The following PEBP4 variants were observed in gnomAD, a reference collection of about 807,000 sequenced individuals.
PEBP4 encodes the protein phosphatidylethanolamine binding protein 4.
Under a neutral mutation model 23.9 loss-of-function variants are expected in PEBP4, and 22 were observed. That is an observed-to-expected ratio of 0.92 (90% CI 0.66 to 1.31). The LOEUF (loss-of-function observed/expected upper bound fraction) is 1.31, where lower values mean the gene tolerates loss of function less well. Among genes scored for constraint, PEBP4 ranks in the 40% most tolerant of loss-of-function variants. PEBP4 has a pLI of 0.00. For missense variants in PEBP4, 324 were observed against 281.7 expected, an observed-to-expected ratio of 1.15 and a Z score of -1.07; for synonymous variants, 112 against 99.3, an observed-to-expected ratio of 1.13 and a Z score of -0.76.
intron 3 of PEBP4, among the ~76,000 whole-genome samples, chr8:22,894,370 G>A (rs545261311): frequency 4.2e-4 from 64 of 152,112 alleles, no homozygotes; most frequent in Admixed American, 9.2e-4. Flanking sequence ...CCAGGAGTTC[G>A]AGACCAGCCC....
chr8:22,810,915 A>AGAGAGAGAG (rs58234891), intron 4 of PEBP4, among the ~76,000 whole-genome samples: 4 of 148,570 alleles, frequency 2.7e-5, no homozygotes, highest in African/African-American at 4.9e-5. Context: ...AGAGAGAGAG[A>AGAGAGAGAG]AACCTCCTAG....
intron 3 of PEBP4, among the ~76,000 whole-genome samples, chr8:22,828,582 C>G (rs777926479): frequency 9.9e-5 from 15 of 152,134 alleles, no homozygotes; most frequent in Non-Finnish European, 2.1e-4. Flanking sequence ...CTCTCACACC[C>G]CATAAACCTC....
At position 22,803,189 on chromosome 8, in the gene PEBP4, C is replaced by T. The variant is rs141135646; in HGVS notation, c.357+14448G>A. Among the ~76,000 whole-genome samples, 25 of 152,196 alleles carry T rather than the reference C, an allele frequency of 1.6e-4. No homozygotes were observed. In the East Asian group the frequency reaches 3.3e-3, roughly 20 times the overall value. ...GCAGCACCTGAGGGCCAATCTAATCCGACCTCTTGCCCAATCTCTGGCAGA... is the reference window on the plus strand; with the variant it reads ...GCAGCACCTGAGGGCCAATCTAATCTGACCTCTTGCCCAATCTCTGGCAGA... On this transcript the variant is annotated intron_variant, in intron 4 of 6. Coordinates refer to ENST00000256404, the MANE Select transcript of PEBP4 (RefSeq NM_144962.3).
At chr8:22,779,076 G>A (rs1196052370) in intron 4 of PEBP4, among the ~76,000 whole-genome samples, 5 of 150,654 alleles carry the variant, frequency 3.3e-5, no homozygotes, top group African/African-American at 1.2e-4. Context: ...GGGCGGGGGA[G>A]GTGGGGGAGG....
intron 3 of PEBP4, among the ~76,000 whole-genome samples, chr8:22,825,276 A>G (rs1054940662): frequency 4.6e-5 from 7 of 152,212 alleles, no homozygotes; most frequent in African/African-American, 1.7e-4. Flanking sequence ...AGGTCCATGG[A>G]GCTGACAGGA....
intron 4 of PEBP4, among the ~76,000 whole-genome samples, chr8:22,784,845 C>G (rs538561005): frequency 6.6e-6 from 1 of 152,184 alleles, no homozygotes; most frequent in Non-Finnish European, 1.5e-5. Context: ...TCCCTTCCTT[C>G]GAGGTTACAT....
intron 2 of PEBP4, chr8:22,924,607 T>C: frequency 1.0e-6 from 1 of 959,728 alleles, no homozygotes; most frequent in Non-Finnish European, 1.2e-6. Flanking sequence ...GGGGTAAGAA[T>C]GTACTTTCTG....
chr8:22,901,925 A>T (rs1432620252), intron 3 of PEBP4, among the ~76,000 whole-genome samples: 3 of 152,256 alleles, frequency 2.0e-5, no homozygotes, highest in African/African-American at 7.2e-5. Context: ...AAGTTTGAGT[A>T]CATGAATGAG....
At chr8:22,811,860 C>G (rs1339842063) in intron 4 of PEBP4, among the ~76,000 whole-genome samples, 1 of 152,188 alleles carries the variant, frequency 6.6e-6, no homozygotes, top group Non-Finnish European at 1.5e-5. Flanking sequence ...AGAATTTTCA[C>G]TTTGCAAGAC....
intron 3 of PEBP4, chr8:22,887,051 T>C (rs2246578): frequency 0.5 from 76,545 of 151,858 alleles, 20,943 homozygotes; most frequent in East Asian, 0.77. Context: ...TTTATTTTTT[T>C]CAATCCTCCC....
intron 4 of PEBP4, among the ~76,000 whole-genome samples, chr8:22,807,416 G>C (rs1445029931): frequency 6.6e-6 from 1 of 152,158 alleles, no homozygotes; most frequent in Non-Finnish European, 1.5e-5. Flanking sequence ...AGTTCTTCAA[G>C]TAGGAAAGCA....
At chr8:22,924,021 G>A (rs1042087964) in intron 2 of PEBP4, among the ~76,000 whole-genome samples, 28 of 152,192 alleles carry the variant, frequency 1.8e-4, no homozygotes, top group Admixed American at 1.3e-3. Context: ...TGGGATATGA[G>A]GCTGCCTCGA....
chr8:22,894,571 G>A (rs1808556210), intron 3 of PEBP4, among the ~76,000 whole-genome samples: 2 of 152,166 alleles, frequency 1.3e-5, no homozygotes, highest in Non-Finnish European at 2.9e-5. Context: ...AACAGAGTGA[G>A]ACCCTGTCTC....
At chr8:22,808,315 C>T (rs1806546608) in intron 4 of PEBP4, among the ~76,000 whole-genome samples, 1 of 152,178 alleles carries the variant, frequency 6.6e-6, no homozygotes, top group Non-Finnish European at 1.5e-5. Context: ...CCATCTATCC[C>T]TCTATCCATT....
At chr8:22,761,007 T>C (rs917940557) in intron 4 of PEBP4, among the ~76,000 whole-genome samples, 28 of 152,184 alleles carry the variant, frequency 1.8e-4, no homozygotes, top group African/African-American at 5.8e-4. Context: ...GTAGCCTGAC[T>C]TCCCAGAGGA....
At chr8:22,729,279 G>A (rs966199640) in intron 4 of PEBP4, among the ~76,000 whole-genome samples, 1 of 152,254 alleles carries the variant, frequency 6.6e-6, no homozygotes, top group Non-Finnish European at 1.5e-5. Flanking sequence ...GCTGAGCGCA[G>A]GGAAGGGCTG....
intron 6 of PEBP4, among the ~76,000 whole-genome samples, chr8:22,717,856 C>T (rs548072062): frequency 3.2e-4 from 48 of 152,276 alleles, no homozygotes; most frequent in African/African-American, 9.6e-4. Context: ...ACAGAGAGCC[C>T]GGCTCAGGTC....
At chr8:22,768,744 G>A (rs1805659164) in intron 4 of PEBP4, among the ~76,000 whole-genome samples, 1 of 151,992 alleles carries the variant, frequency 6.6e-6, no homozygotes, top group Admixed American at 6.5e-5. Flanking sequence ...AGGAGTGGGG[G>A]CGGGCTTTTT....
intron 3 of PEBP4, among the ~76,000 whole-genome samples, chr8:22,825,244 A>T (rs889953776): frequency 3.9e-5 from 6 of 152,232 alleles, no homozygotes; most frequent in African/African-American, 1.4e-4. Flanking sequence ...GGCTCCTTGA[A>T]GTTGGGCCCA....
Sources: allele counts gnomAD v4.1 joint callset (sites outside exome capture counted in the v4.1 genomes callset), GRCh38; gene constraint gnomAD v4.1.1; transcripts MANE v1.5; gene names NCBI Gene and HGNC (gene_info 2026-07-23, HGNC 2026-07-21).